Variants in UBA6 observed in about 807,000 individuals in gnomAD.
UBA6 encodes ubiquitin like modifier activating enzyme 6, also known as ubiquitin-like modifier-activating enzyme 6.
UBA6 carries 87 observed loss-of-function variants against 148.3 expected under a neutral mutation model. That is an observed-to-expected ratio of 0.59 (90% CI 0.49 to 0.70). The LOEUF is 0.70. UBA6 is among the 30% of genes least tolerant of loss of function. The pLI, the probability that UBA6 is intolerant of heterozygous loss-of-function variation, is 0.00. For synonymous variants in UBA6, 376 were observed against 401.0 expected (o/e 0.94, Z 0.75); for missense variants, 1,186 against 1,241.2 (o/e 0.96, Z 0.67).
At chr4:67,655,893 A>G (rs887338839) in intron 13 of UBA6, among the ~76,000 whole-genome samples, 2 of 152,272 alleles carry the variant, frequency 1.3e-5, no homozygotes, top group Non-Finnish European at 2.9e-5. Flanking sequence ...AACTACCATC[A>G]GAGAATACTA....
At chr4:67,621,256 T>A (rs1479793002) in intron 32 of UBA6, among the ~76,000 whole-genome samples, 1 of 152,228 alleles carries the variant, frequency 6.6e-6, no homozygotes, top group Non-Finnish European at 1.5e-5. Flanking sequence ...TTTTACTTTT[T>A]AAGGTACAGA....
intron 7 of UBA6, among the ~76,000 whole-genome samples, chr4:67,671,676 A>G (rs1730152964): frequency 6.6e-6 from 1 of 152,204 alleles, no homozygotes; most frequent in African/African-American, 2.4e-5. Flanking sequence ...CTATATAAAT[A>G]CAACAATCCA....
Position 67,663,229 on chromosome 4 carries a change from T to C in UBA6, c.961-14A>G, listed in dbSNP as rs761415740. 2 of 1,592,816 alleles carry C rather than the reference T, an allele frequency of 1.3e-6. No individual in the cohort carries two copies. Among genetic ancestry groups the C allele is most frequent in the Non-Finnish European group, 1.7e-6 (2 of 1,169,206 alleles). ...CTCTAAAGGTGCCTATTGAGAACATTAAAAATCGGCCAACATTTACTGAGT... is the reference window on the plus strand; with the variant it reads ...CTCTAAAGGTGCCTATTGAGAACATCAAAAATCGGCCAACATTTACTGAGT... On this transcript the variant is annotated splice_polypyrimidine_tract_variant and intron_variant, in intron 11 of 32. Coordinates refer to ENST00000322244, the MANE Select transcript of UBA6 (RefSeq NM_018227.6).
At chr4:67,665,137 C>T in intron 10 of UBA6, 52 bp downstream of exon 10, 4 of 1,113,514 alleles carry the variant, frequency 3.6e-6, no homozygotes, top group East Asian at 2.5e-5. Context: ...GTCTCTTCTG[C>T]CTTTCTTTTT....
intron 1 of UBA6, among the ~76,000 whole-genome samples, chr4:67,697,269 T>C (rs1363943132): frequency 1.3e-5 from 2 of 152,198 alleles, no homozygotes; most frequent in Non-Finnish European, 2.9e-5. Context: ...CGTCCCAAAG[T>C]GCTAGGATTA....
At chr4:67,661,191 G>A (rs1380140898) in intron 13 of UBA6, among the ~76,000 whole-genome samples, 1 of 152,100 alleles carries the variant, frequency 6.6e-6, no homozygotes, top group Non-Finnish European at 1.5e-5. Context: ...CTAAGACTTT[G>A]GGGGACTGTT....
At chr4:67,696,979 T>C (rs1730855494) in intron 1 of UBA6, among the ~76,000 whole-genome samples, 1 of 152,076 alleles carries the variant, frequency 6.6e-6, no homozygotes, top group South Asian at 2.1e-4. Flanking sequence ...TACATATATA[T>C]ATATTTTGTT....
In UBA6 at chr4:67,615,870, G is replaced by C; in HGVS notation, c.*3127C>G. 3.4e-6 allele frequency: 1 copy of C among 296,690 alleles called. No individual in the cohort carries two copies. Among genetic ancestry groups the C allele is most frequent in the Non-Finnish European group, 6.2e-6 (1 of 161,936 alleles). The allele number at this position is 296,690 out of a possible 1,614,324, so 18.4% of individuals were successfully genotyped here. On this transcript the variant is annotated 3_prime_UTR_variant, in exon 33 of 33. Coordinates refer to ENST00000322244, the MANE Select transcript of UBA6 (RefSeq NM_018227.6). ...GACAATTATCATACAAGGTAGGATA[G>C]TGGTAATTACCAAAGGGTACGTGGC...
chr4:67,656,745 CTGTT>C (rs1331999134), intron 13 of UBA6, among the ~76,000 whole-genome samples: 1 of 152,190 alleles, frequency 6.6e-6, no homozygotes, highest in Non-Finnish European at 1.5e-5. Flanking sequence ...CAAATTGTCT[CTGTT>C]TGCAGATGAC....
At chr4:67,660,577 T>C (rs957810579) in intron 13 of UBA6, among the ~76,000 whole-genome samples, 3 of 152,160 alleles carry the variant, frequency 2.0e-5, no homozygotes, top group African/African-American at 2.4e-5. Flanking sequence ...AGAGGATGTA[T>C]GAAAACACCT....
intron 1 of UBA6, among the ~76,000 whole-genome samples, chr4:67,698,648 A>C (rs865870607): frequency 1.3e-5 from 2 of 152,092 alleles, no homozygotes; most frequent in Non-Finnish European, 2.9e-5. Flanking sequence ...ATTAGACATA[A>C]AGGAAACACT....
At chr4:67,662,098 G>T in intron 13 of UBA6, 91 bp downstream of exon 13, 1 of 1,268,932 alleles carries the variant, frequency 7.9e-7, no homozygotes, top group Non-Finnish European at 1.1e-6. Context: ...GAGTAGCAAA[G>T]CTGGATGTGA....
chr4:67,645,454 C>T (rs1411751467), intron 16 of UBA6, among the ~76,000 whole-genome samples: 1 of 152,104 alleles, frequency 6.6e-6, no homozygotes, highest in African/African-American at 2.4e-5. Context: ...CAAAAATTAC[C>T]TGGGCGTGGT....
Position 67,658,221 on chromosome 4 carries a change from A to G in UBA6, c.1104+3968T>C, listed in dbSNP as rs142815504. Among the ~76,000 whole-genome samples, 603 of 152,310 alleles carry G rather than the reference A, an allele frequency of 4.0e-3. 2 individuals are homozygous for G. The highest frequency in any genetic ancestry group is 6.6e-3 in the Non-Finnish European group (452 of 68,026). ...CACCCAAAGGATTATAAATCATGCT[A>G]CTATAAAGACAAATTCACACGTATG... On this transcript the variant is annotated intron_variant, in intron 13 of 32. Transcript: ENST00000322244.
chr4:67,687,601 C>A (rs762111886), intron 2 of UBA6, among the ~76,000 whole-genome samples: 1 of 152,158 alleles, frequency 6.6e-6, no homozygotes, highest in Non-Finnish European at 1.5e-5. Flanking sequence ...AAGGAAAAAT[C>A]TGAAGAGAGA....
At chr4:67,665,393 T>C in intron 9 of UBA6, 101 bp from the exon 10 acceptor site, 1 of 737,016 alleles carries the variant, frequency 1.4e-6, no homozygotes, top group Non-Finnish European at 2.2e-6. Flanking sequence ...ATTTACAAAA[T>C]TAAAGAATTC....
rs772620955 is a variant in UBA6 at position 67,616,899 on chromosome 4, C to T, written c.*2098G>A. 5 of 152,036 alleles carry T rather than the reference C, an allele frequency of 3.3e-5. No individual in the cohort carries two copies. The highest frequency in any genetic ancestry group is 7.4e-5 in the Non-Finnish European group (5 of 67,958). 9.4% of individuals were successfully genotyped at this position (152,036 alleles called of 1,614,324 possible). A position where few individuals can be genotyped will look rare whatever the true frequency, so the allele number is the denominator to read the frequency against. On this transcript the variant is annotated 3_prime_UTR_variant, in exon 33 of 33. Transcript: ENST00000322244. ...TAATTTTTGCACCTGGTATTTCAGT[C>T]ATCAACAGCAATCTCATGGTACAGA...
chr4:67,650,876 C>T (rs2109921597), intron 13 of UBA6, among the ~76,000 whole-genome samples: 1 of 152,180 alleles, frequency 6.6e-6, no homozygotes, highest in South Asian at 2.1e-4. Context: ...GGGAGACATT[C>T]TTTGAGAGAG....
chr4:67,631,886 A>C lies in UBA6; in HGVS notation c.2165T>G (p.Phe722Cys), dbSNP rs201289959. Residue 722 changes from phenylalanine (F) to cysteine (C), a missense_variant, in exon 24 of 33, where the codon TTC (phenylalanine) becomes TGC (cysteine). Transcript: ENST00000322244. ...ATCTTTTAATCGTATGTCCAGAGGG[A>C]AACAGTGAAGAAGCTGAAGAGCCTA... ...NHKALQLLHCFPLDIRLKDGS... is the reference protein window; with the variant it reads ...NHKALQLLHCCPLDIRLKDGS... 1 of 1,612,208 alleles carries C rather than the reference A, an allele frequency of 6.2e-7. No homozygotes were observed. Among genetic ancestry groups the C allele is most frequent in the African/African-American group, 1.3e-5 (1 of 75,000 alleles).
Sources: allele counts gnomAD v4.1 joint callset (sites outside exome capture counted in the v4.1 genomes callset), GRCh38; gene constraint gnomAD v4.1.1; transcripts MANE v1.5; gene names NCBI Gene and HGNC (gene_info 2026-07-23, HGNC 2026-07-21).